SLC7A9: variants seen among roughly 807,000 people sequenced by gnomAD.
SLC7A9 encodes the protein solute carrier family 7 member 9.
Under a neutral mutation model 54.1 loss-of-function variants are expected in SLC7A9, and 38 were observed. The observed-to-expected ratio is 0.70, with a 90% confidence interval of 0.54 to 0.92. SLC7A9 has a LOEUF of 0.92. Ranked by LOEUF, SLC7A9 falls within the 40% of genes least tolerant of loss-of-function variation. SLC7A9 has a pLI of 0.00. For synonymous variants in SLC7A9, 264 were observed against 258.9 expected (o/e 1.02, Z -0.19); for missense variants, 537 against 636.1 (o/e 0.84, Z 1.68).
intron 11 of SLC7A9, among the ~76,000 whole-genome samples, chr19:32,837,223 C>T (rs1217300848): frequency 2.0e-5 from 3 of 152,100 alleles, no homozygotes; most frequent in Non-Finnish European, 1.5e-5. Flanking sequence ...CTGCCAGGTG[C>T]TGTGGCTCAC....
chr19:32,864,068 G>A, intron 4 of SLC7A9, 28 bp downstream of exon 4: 1 of 1,613,446 alleles, frequency 6.2e-7, no homozygotes. Flanking sequence ...GGTCTTTTCT[G>A]ACCCCTGCCC....
chr19:32,865,944 C>T (rs1363636680), intron 2 of SLC7A9, among the ~76,000 whole-genome samples: 1 of 98,446 alleles, frequency 1.0e-5, no homozygotes, highest in Non-Finnish European at 1.9e-5. Flanking sequence ...GCCTGGGTGA[C>T]AGTGAGACTG....
intron 8 of SLC7A9, 105 bp from the exon 9 acceptor site, chr19:32,858,648 C>G: frequency 1.2e-6 from 1 of 805,060 alleles, no homozygotes; most frequent in African/African-American, 1.7e-5. Flanking sequence ...GGACCCACCT[C>G]GCCTCGGGGC....
At chr19:32,833,080 A>G in intron 12 of SLC7A9, 69 bp downstream of exon 12, 1 of 1,443,136 alleles carries the variant, frequency 6.9e-7, no homozygotes, top group Non-Finnish European at 9.7e-7. Context: ...TCTTGGAGTC[A>G]GGACAGGTGA....
chr19:32,837,306 C>G (rs1967985935), intron 11 of SLC7A9, among the ~76,000 whole-genome samples: 4 of 152,012 alleles, frequency 2.6e-5, no homozygotes, highest in Admixed American at 6.6e-5. Context: ...ACCAGTCTGG[C>G]CCACATGGCG....
At chr19:32,851,530 G>A (rs1968465986) in intron 9 of SLC7A9, among the ~76,000 whole-genome samples, 1 of 150,546 alleles carries the variant, frequency 6.6e-6, no homozygotes, top group East Asian at 2.0e-4. Flanking sequence ...AACAGGTGCT[G>A]GAGAGGATGT....
At position 32,833,284 on chromosome 19, in the gene SLC7A9, C is replaced by G. The variant is rs1967860948; in HGVS notation, c.1264G>C (p.Val422Leu). The G allele has an allele frequency of 6.2e-7, 1 of 1,614,028 alleles. No individual in the cohort carries two copies. The highest frequency in any genetic ancestry group is 1.1e-5 in the South Asian group (1 of 91,090). Residue 422 changes from valine (V) to leucine (L), a missense_variant, in exon 12 of 13, where the codon GTG (valine) becomes CTG (leucine). Val to Leu is a conservative substitution (Grantham distance 32, BLOSUM62 1). Transcript: ENST00000023064. ...VIPVLMTLIS[V>L]FLVLAPIISK... ...ATGATTGGAGCCAGAACCAAAAACA[C>G]AGAGATGAGTGTCATCAAGACGGGA... is the stretch of plus-strand genomic sequence containing the variant.
chr19:32,867,384 G>A (rs1042722707), intron 2 of SLC7A9, among the ~76,000 whole-genome samples: 2 of 152,122 alleles, frequency 1.3e-5, no homozygotes, highest in Non-Finnish European at 2.9e-5. Flanking sequence ...GAGCATGGTG[G>A]TGTGCTCCTG....
At chr19:32,853,985 C>CCGGA (rs1212476241) in intron 9 of SLC7A9, among the ~76,000 whole-genome samples, 3 of 150,508 alleles carry the variant, frequency 2.0e-5, no homozygotes, top group Admixed American at 6.6e-5. Flanking sequence ...CCTAAATAGT[C>CCGGA]CACCCATGGA....
rs1363416279 is a variant in SLC7A9 at position 32,851,923 on chromosome 19, A to G, written c.977+6517T>C. On this transcript the variant is annotated intron_variant, in intron 9 of 12. Coordinates refer to ENST00000023064, the MANE Select transcript of SLC7A9 (RefSeq NM_014270.5). Reference sequence around the variant, plus strand: ...ATTCTCAGCAAACTATTGCAAGGACAAAAAACCAAACACCGCATGTTCTCA... The same window carrying G: ...ATTCTCAGCAAACTATTGCAAGGACGAAAAACCAAACACCGCATGTTCTCA... Among the ~76,000 whole-genome samples, 5 of 152,126 alleles carry G rather than the reference A, an allele frequency of 3.3e-5. No individual in the cohort carries two copies. The East Asian group carries it at 7.7e-4, about 23-fold the overall frequency.
At chr19:32,852,130 A>C (rs1350903305) in intron 9 of SLC7A9, among the ~76,000 whole-genome samples, 1 of 152,058 alleles carries the variant, frequency 6.6e-6, no homozygotes, top group Non-Finnish European at 1.5e-5. Flanking sequence ...TATGTAACAA[A>C]CCTGCACATT....
chr19:32,852,637 G>T (rs2145827405), intron 9 of SLC7A9, among the ~76,000 whole-genome samples: 1 of 152,282 alleles, frequency 6.6e-6, no homozygotes, highest in Middle Eastern at 3.4e-3. Flanking sequence ...GAATTGATAT[G>T]AACTTGATAT....
intron 9 of SLC7A9, among the ~76,000 whole-genome samples, chr19:32,846,037 T>C (rs1968281278): frequency 6.6e-6 from 1 of 152,106 alleles, no homozygotes; most frequent in Non-Finnish European, 1.5e-5. Context: ...GATGGGGGCA[T>C]GGAGCCAAGA....
intron 2 of SLC7A9, 34 bp from the exon 3 acceptor site, chr19:32,864,810 C>A (rs775732341): frequency 1.2e-6 from 2 of 1,613,596 alleles, no homozygotes; most frequent in African/African-American, 1.3e-5. Context: ...GCGTTAGTGC[C>A]ACGCCCGGAC....
At chr19:32,862,634 C>G (rs756065333) in intron 4 of SLC7A9, 48 bp from the exon 5 acceptor site, 46 of 1,593,608 alleles carry the variant, frequency 2.9e-5, no homozygotes, top group Non-Finnish European at 3.9e-5. Context: ...CAGCAAAGCC[C>G]TGGAGAGAGT....
chr19:32,832,963 G>C, intron 12 of SLC7A9, 186 bp downstream of exon 12: 1 of 657,452 alleles, frequency 1.5e-6, no homozygotes, highest in South Asian at 1.8e-5. Context: ...TAATTGACAG[G>C]AACAAAACAA....
At chr19:32,861,158 G>A (rs1046177719) in intron 6 of SLC7A9, among the ~76,000 whole-genome samples, 8 of 151,870 alleles carry the variant, frequency 5.3e-5, no homozygotes, top group South Asian at 2.1e-4. Context: ...GTAAAACCTC[G>A]TCTCTACTAA....
rs375307629 is a variant in SLC7A9 at position 32,864,219 on chromosome 19, C to T, written c.355G>A (p.Val119Ile). The T allele has an allele frequency of 7.4e-6, 12 of 1,614,194 alleles. No individual in the cohort carries two copies. Among genetic ancestry groups the T allele is most frequent in the African/African-American group, 2.7e-5 (2 of 75,064 alleles). ...ATGGCGAAGGACGTGGGCTTAATGA[C>T]GATCAGGCTGGCCCAGGAGAAGAGG... is the stretch of plus-strand genomic sequence containing the variant. ...AYLFSWASLI[V>I]IKPTSFAIIC... The change falls in exon 4 of 13, where the codon GTC (valine) becomes ATC (isoleucine). Residue 119 changes from valine (V) to isoleucine (I), a missense_variant. By Grantham distance (29) the Val-to-Ile change is conservative. Transcript: ENST00000023064.
At chr19:32,842,416 T>G in intron 10 of SLC7A9, 99 bp from the exon 11 acceptor site, 1 of 1,229,414 alleles carries the variant, frequency 8.1e-7, no homozygotes, top group South Asian at 1.2e-5. Flanking sequence ...AATAAACACT[T>G]TAGCATGAAA....
Sources: allele counts gnomAD v4.1 joint callset (sites outside exome capture counted in the v4.1 genomes callset), GRCh38; gene constraint gnomAD v4.1.1; transcripts MANE v1.5; gene names NCBI Gene and HGNC (gene_info 2026-07-23, HGNC 2026-07-21).